Variants in TTLL13 observed in about 807,000 individuals in gnomAD.
The protein encoded by TTLL13 is tubulin tyrosine ligase like 13, also known as tubulin polyglutamylase TTLL13.
At chr15:90,253,392 C>T in the TTLL13 span, 64 of 1,574,274 alleles carry the variant, frequency 4.1e-5, no homozygotes, top group Middle Eastern at 1.7e-4. Context: ...ACCTGAGAGC[C>T]GACAGGGGCT....
chr15:90,256,418 T>G, the TTLL13 span: 1 of 1,239,178 alleles, frequency 8.1e-7, no homozygotes, highest in Non-Finnish European at 1.1e-6. Flanking sequence ...AGCCCCGTTT[T>G]CCTGGAGGCA....
At chr15:90,262,120 C>T in the TTLL13 span, 37 of 1,535,800 alleles carry the variant, frequency 2.4e-5, no homozygotes, top group South Asian at 3.3e-4. Context: ...AGAAGTATGC[C>T]CGCTTCTTCA....
chr15:90,255,945 A>C, the TTLL13 span: 43 of 1,610,688 alleles, frequency 2.7e-5, no homozygotes, highest in Non-Finnish European at 3.6e-5. Context: ...TCGCTCTCAG[A>C]GCTCTGGTCT....
the TTLL13 span, chr15:90,263,427 C>T: frequency 1.2e-5 from 6 of 482,580 alleles, no homozygotes; most frequent in Non-Finnish European, 2.2e-5. Context: ...AATAACCCCA[C>T]ACTCATGACT....
the TTLL13 span, among the ~76,000 whole-genome samples, chr15:90,259,546 T>C: frequency 2.0e-5 from 3 of 152,176 alleles, no homozygotes; most frequent in Non-Finnish European, 4.4e-5. Context: ...ATTTAATATA[T>C]ATGTATTTAT....
At chr15:90,254,190 T>TGTTG in the TTLL13 span, among the ~76,000 whole-genome samples, 27 of 90,972 alleles carry the variant, frequency 3.0e-4, no homozygotes, top group African/African-American at 7.8e-4. Context: ...GAGACCCTGT[T>TGTTG]TTTTTTTTTT....
At chr15:90,250,708 A>G in the TTLL13 span, 1 of 1,614,186 alleles carries the variant, frequency 6.2e-7, no homozygotes, top group Non-Finnish European at 8.5e-7. Context: ...AGTGTGTTAA[A>G]GAGGGAGTTA....
chr15:90,262,156 G>C, the TTLL13 span: 2 of 1,535,638 alleles, frequency 1.3e-6, no homozygotes, highest in Non-Finnish European at 8.7e-7. Flanking sequence ...TCTTCCAAGA[G>C]ACTGCTGCTT....
the TTLL13 span, chr15:90,265,328 A>C: frequency 8.2e-7 from 1 of 1,219,352 alleles, no homozygotes; most frequent in Non-Finnish European, 1.0e-6. Flanking sequence ...CCGAGTGCCC[A>C]AGGCACTGGG....
At chr15:90,257,517 G>T in the TTLL13 span, 2 of 1,054,220 alleles carry the variant, frequency 1.9e-6, no homozygotes, top group East Asian at 2.5e-5. Flanking sequence ...CAGTCCTCTG[G>T]TGGAGAGAGA....
the TTLL13 span, chr15:90,256,120 C>G: frequency 6.2e-7 from 1 of 1,611,744 alleles, no homozygotes; most frequent in Non-Finnish European, 8.5e-7. Flanking sequence ...AACCTTTTGA[C>G]CAGGCCCTCT....
At chr15:90,263,098 C>T in the TTLL13 span, 14 of 1,535,840 alleles carry the variant, frequency 9.1e-6, no homozygotes, top group Non-Finnish European at 1.1e-5. Flanking sequence ...GCTCACCCGT[C>T]TGCAGCACCC....
the TTLL13 span, chr15:90,262,973 C>T: frequency 7.8e-6 from 12 of 1,535,278 alleles, no homozygotes; most frequent in South Asian, 3.6e-5. Flanking sequence ...TAGCTGCTGC[C>T]GGGACAGCTG....
At chr15:90,256,577 CTTTCTTTCTTTCTTTCTTTCT>C in the TTLL13 span, among the ~76,000 whole-genome samples, 41 of 56,864 alleles carry the variant, frequency 7.2e-4, no homozygotes, top group Middle Eastern at 6.8e-3. Flanking sequence ...TTCTTTCTTT[CTTTCTTTCTTTCTTTCTTTCT>C]TTCTTTCTTT....
At chr15:90,256,522 C>T in the TTLL13 span, among the ~76,000 whole-genome samples, 1 of 152,176 alleles carries the variant, frequency 6.6e-6, no homozygotes, top group Non-Finnish European at 1.5e-5. Flanking sequence ...CTTACCCTCT[C>T]TCTGTGCCTC....
At chr15:90,262,724 T>A in the TTLL13 span, 3 of 1,410,496 alleles carry the variant, frequency 2.1e-6, no homozygotes, top group Non-Finnish European at 2.8e-6. Flanking sequence ...TTGGGACAAC[T>A]AGATAGGGGA....
the TTLL13 span, chr15:90,262,978 C>G: frequency 4.6e-6 from 7 of 1,535,772 alleles, 1 homozygote; most frequent in South Asian, 7.1e-5. Context: ...GCTGCCGGGA[C>G]AGCTGGACAC....
the TTLL13 span, chr15:90,258,982 T>A: frequency 9.9e-6 from 16 of 1,612,678 alleles, no homozygotes; most frequent in Non-Finnish European, 1.4e-5. Flanking sequence ...AGAGTAAAAG[T>A]CCTCCTTTAG....
chr15:90,264,953 A>C, the TTLL13 span: 32 of 1,535,724 alleles, frequency 2.1e-5, no homozygotes, highest in Non-Finnish European at 2.6e-5. Flanking sequence ...CCTCAACATC[A>C]ATCAGTTCAG....
Sources: gnomAD v4.1 joint callset for allele counts (sites outside exome capture counted in the v4.1 genomes callset) on GRCh38, gnomAD v4.1.1 for gene constraint, MANE v1.5 for transcripts, NCBI Gene and HGNC (gene_info 2026-07-23, HGNC 2026-07-21) for gene names.